The following GPC6 variants were observed in gnomAD, a reference collection of about 807,000 sequenced individuals.
GPC6 encodes glypican-6.
GPC6 carries 14 observed loss-of-function variants against 55.2 expected under a neutral mutation model. The observed-to-expected ratio is 0.25, with a 90% CI of 0.17 to 0.40. GPC6 has a LOEUF of 0.40. Among genes scored for constraint, GPC6 ranks in the 10% least tolerant of loss-of-function variants. The pLI, the probability that GPC6 is intolerant of heterozygous loss-of-function variation, is 1.00. For synonymous variants in GPC6, 278 were observed against 259.6 expected (o/e 1.07, Z -0.68); for missense variants, 641 against 708.5 (o/e 0.90, Z 1.08).
intron 2 of GPC6, among the ~76,000 whole-genome samples, chr13:93,547,991 C>G (rs762186804): frequency 2.6e-5 from 4 of 152,100 alleles, no homozygotes; most frequent in Non-Finnish European, 4.4e-5. Flanking sequence ...CTTTCTTCCT[C>G]CCAAATACTC....
chr13:93,992,987 C>G (rs142434970), intron 3 of GPC6, among the ~76,000 whole-genome samples: 2 of 136,948 alleles, frequency 1.5e-5, no homozygotes, highest in African/African-American at 4.9e-5. Context: ...TGAAGATGAT[C>G]ACATCTGATT....
chr13:93,973,628 C>T (rs925554571), intron 3 of GPC6, among the ~76,000 whole-genome samples: 3 of 152,094 alleles, frequency 2.0e-5, no homozygotes, highest in Non-Finnish European at 4.4e-5. Context: ...TTTAAAATAA[C>T]GTGTTTATTA....
At chr13:93,561,560 A>G (rs947957242) in intron 2 of GPC6, among the ~76,000 whole-genome samples, 3 of 151,902 alleles carry the variant, frequency 2.0e-5, no homozygotes, top group Admixed American at 6.6e-5. Context: ...AGTGCCAAAT[A>G]TACAAGAGCC....
intron 2 of GPC6, among the ~76,000 whole-genome samples, chr13:93,818,043 A>C (rs1210311953): frequency 6.8e-6 from 1 of 147,682 alleles, no homozygotes; most frequent in East Asian, 1.9e-4. Flanking sequence ...TTAATTATAC[A>C]GTATATATAA....
At chr13:94,237,118 A>G (rs1890902373) in intron 4 of GPC6, among the ~76,000 whole-genome samples, 1 of 152,146 alleles carries the variant, frequency 6.6e-6, no homozygotes, top group South Asian at 2.1e-4. Context: ...CAGGATGAGA[A>G]CTTGTTCCAT....
Position 93,739,751 on chromosome 13 carries a change from A to G in GPC6, c.320-90403A>G, listed in dbSNP as rs1057452127. On this transcript the variant is annotated intron_variant, in intron 2 of 8. Transcript: ENST00000377047. ...GCCTTCAAATACATATCGAGTGTCCATTGTATGTCAGGCCCTTTTCTAGGT... is the reference window on the plus strand; with the variant it reads ...GCCTTCAAATACATATCGAGTGTCCGTTGTATGTCAGGCCCTTTTCTAGGT... Among the ~76,000 whole-genome samples, 4 of 152,162 alleles carry G rather than the reference A, an allele frequency of 2.6e-5. 1 individual carries two copies. The highest frequency in any genetic ancestry group is 4.8e-5 in the African/African-American group (2 of 41,436).
At chr13:93,395,596 G>A (rs1211041384) in intron 1 of GPC6, 1 of 161,032 alleles carries the variant, frequency 6.2e-6, no homozygotes, top group East Asian at 1.9e-4. Flanking sequence ...AACCTTAATA[G>A]CTCCCTTTGG....
intron 6 of GPC6, among the ~76,000 whole-genome samples, chr13:94,372,910 AC>A (rs1879643481): frequency 6.6e-6 from 1 of 151,884 alleles, no homozygotes; most frequent in South Asian, 2.1e-4. Context: ...CTGACCCCTG[AC>A]CCCCAAGCAG....
rs558763404 is a variant in GPC6 at position 94,076,143 on chromosome 13, T to A, written c.877+48249T>A. Among the ~76,000 whole-genome samples the A allele has an allele frequency of 7.9e-4, 120 of 151,776 alleles. 2 individuals carry two copies. In the South Asian group the frequency reaches 0.022, roughly 27 times the overall value. ...CACTTATTATCTTTGTTTTTTTTTT[T>A]TAAATAATGATCATCCTAGCAGGTG... On this transcript the variant is annotated intron_variant, in intron 4 of 8. Coordinates refer to ENST00000377047, the MANE Select transcript of GPC6 (RefSeq NM_005708.5).
intron 3 of GPC6, among the ~76,000 whole-genome samples, chr13:93,908,083 G>A (rs1275512013): frequency 1.3e-5 from 2 of 151,852 alleles, no homozygotes; most frequent in African/African-American, 4.8e-5. Context: ...AATTAAAAAA[G>A]GAGAGAGAGA....
chr13:93,877,828 C>A (rs77281578), intron 3 of GPC6, among the ~76,000 whole-genome samples: 1 of 151,924 alleles, frequency 6.6e-6, no homozygotes, highest in African/African-American at 2.4e-5. Flanking sequence ...GTGATAAAAT[C>A]CTTTTCGTTG....
intron 4 of GPC6, among the ~76,000 whole-genome samples, chr13:94,034,417 G>A (rs1480423378): frequency 6.6e-6 from 1 of 152,094 alleles, no homozygotes; most frequent in Non-Finnish European, 1.5e-5. Context: ...CATAATGTGT[G>A]GGTATTCAGC....
chr13:93,329,740 A>G (rs1009956717), intron 1 of GPC6, among the ~76,000 whole-genome samples: 26 of 152,058 alleles, frequency 1.7e-4, no homozygotes, highest in African/African-American at 6.3e-4. Context: ...GTAAGTGGAA[A>G]TGAGTTCCCT....
intron 1 of GPC6, among the ~76,000 whole-genome samples, chr13:93,530,778 T>C (rs1343186036): frequency 1.3e-5 from 2 of 152,202 alleles, no homozygotes; most frequent in Non-Finnish European, 2.9e-5. Context: ...TCTTGATATC[T>C]GTCATACCTG....
At chr13:93,358,982 T>G (rs1880950929) in intron 1 of GPC6, among the ~76,000 whole-genome samples, 2 of 124,562 alleles carry the variant, frequency 1.6e-5, no homozygotes, top group African/African-American at 6.7e-5. Context: ...TCTCTTTTTT[T>G]TTTTTTGTTT....
At chr13:94,373,808 CAGAG>C (rs1200890830) in intron 6 of GPC6, among the ~76,000 whole-genome samples, 1 of 152,064 alleles carries the variant, frequency 6.6e-6, no homozygotes, top group African/African-American at 2.4e-5. Context: ...TAAGGGCAGC[CAGAG>C]AGAAAGGTCG....
At chr13:93,628,597 G>A (rs1879303867) in intron 2 of GPC6, among the ~76,000 whole-genome samples, 3 of 152,180 alleles carry the variant, frequency 2.0e-5, no homozygotes, top group African/African-American at 7.2e-5. Context: ...TCCATTGGTT[G>A]TACTTGCATG....
At chr13:94,220,974 C>G (rs1027300928) in intron 4 of GPC6, among the ~76,000 whole-genome samples, 3 of 152,030 alleles carry the variant, frequency 2.0e-5, no homozygotes, top group Non-Finnish European at 4.4e-5. Flanking sequence ...ATAACAGACT[C>G]TTATGGGCAC....
At chr13:93,581,300 T>A (rs2139489147) in intron 2 of GPC6, among the ~76,000 whole-genome samples, 1 of 152,342 alleles carries the variant, frequency 6.6e-6, no homozygotes, top group South Asian at 2.1e-4. Context: ...CTCATATTGT[T>A]GCTACACCTT....
Sources: allele counts gnomAD v4.1 joint callset (sites outside exome capture counted in the v4.1 genomes callset), GRCh38; gene constraint gnomAD v4.1.1; transcripts MANE v1.5; gene names NCBI Gene and HGNC (gene_info 2026-07-23, HGNC 2026-07-21).